Variants in CREM observed in about 807,000 individuals in gnomAD.
CREM encodes the protein cAMP responsive element modulator.
In CREM, 13 loss-of-function variants were observed where a neutral mutation model predicts 37.3. The ratio of observed to expected loss-of-function variants is 0.35; its 90% CI spans 0.23 to 0.55. The LOEUF (loss-of-function observed/expected upper bound fraction) is 0.55. Among genes scored for constraint, CREM ranks in the 20% least tolerant of loss-of-function variants. The pLI is 0.88. For synonymous variants in CREM, 124 were observed against 120.2 expected (o/e 1.03, Z -0.21); for missense variants, 296 against 362.3 (o/e 0.82, Z 1.49).
rs138132743 is a variant in CREM, at chr10:35,175,701, C to T, written c.169-3188C>T. On this transcript the variant is annotated intron_variant, in intron 3 of 7. Transcript: ENST00000685392. ...CTGTTCCAGGACAGTAACCACCTCC[C>T]GATGGTAAGTATCCTAGATAGTTTG... is the stretch of plus-strand genomic sequence containing the variant. The T allele has an allele frequency of 2.4e-4, 382 of 1,613,864 alleles. 1 individual carries two copies. Among genetic ancestry groups the T allele is most frequent in the Admixed American group, 3.5e-4 (21 of 60,002 alleles).
rs1022340870 is a variant in CREM at position 35,189,043 on chromosome 10, T to C, written c.598+655T>C. On this transcript the variant is annotated intron_variant, in intron 6 of 7. Transcript: ENST00000685392. Reference sequence around the variant, plus strand: ...GTTGCAAATGTTGTACCTAATAGATTTCTATTACCTAATCTATGACAATTT... The same window carrying C: ...GTTGCAAATGTTGTACCTAATAGATCTCTATTACCTAATCTATGACAATTT... Among the ~76,000 whole-genome samples, 7 of 152,180 alleles carry C rather than the reference T, an allele frequency of 4.6e-5. No individual in the cohort carries two copies. The East Asian group carries it at 1.2e-3, about 25-fold the overall frequency.
At chr10:35,150,514 G>A (rs1369664067) in intron 3 of CREM, among the ~76,000 whole-genome samples, 1 of 152,102 alleles carries the variant, frequency 6.6e-6, no homozygotes, top group African/African-American at 2.4e-5. Context: ...ACCTCTGTGA[G>A]CCTCACTCAG....
chr10:35,139,577 C>G (rs890827555), intron 2 of CREM, among the ~76,000 whole-genome samples: 1 of 151,984 alleles, frequency 6.6e-6, no homozygotes, highest in Non-Finnish European at 1.5e-5. Context: ...TTTTGTAATT[C>G]ATAATTGCCC....
chr10:35,209,309 C>T (rs1183082233), intron 7 of CREM: 24 of 985,142 alleles, frequency 2.4e-5, no homozygotes, highest in Middle Eastern at 5.2e-4. Context: ...TATTTCTTTC[C>T]AGCCTTGTCA....
Position 35,175,768 on chromosome 10 carries a change from A to G in CREM, c.169-3121A>G. 11 of 1,614,026 alleles carry G rather than the reference A, an allele frequency of 6.8e-6. No individual in the cohort carries two copies. In the South Asian group the frequency reaches 9.9e-5, roughly 15 times the overall value. Reference sequence around the variant, plus strand: ...GGAAAAAGAGAAGTAGGCCAGTCATATTAGTGAGTGGTATTACTTAAAAAT... The same window carrying G: ...GGAAAAAGAGAAGTAGGCCAGTCATGTTAGTGAGTGGTATTACTTAAAAAT... On this transcript the variant is annotated intron_variant, in intron 3 of 7. Transcript: ENST00000685392.
In CREM at chr10:35,187,201, AAT is replaced by A. The variant is rs1234471816; in HGVS notation, c.410-992_410-991del. ...TTAATATATAAATATATTAATATAT[AAT>A]ATATATTATATATTTATATATATAA... On this transcript the variant is annotated intron_variant, in intron 5 of 7. Transcript: ENST00000685392. Among the ~76,000 whole-genome samples, 27 of 78,158 alleles carry A rather than the reference AAT, an allele frequency of 3.5e-4. No individual in the cohort carries two copies. In the East Asian group the frequency reaches 8.0e-3, roughly 23 times the overall value. The allele number at this position is 78,158 out of a possible 152,430, so 51.3% of individuals were successfully genotyped here.
chr10:35,183,252 C>G (rs1293696876), intron 5 of CREM, among the ~76,000 whole-genome samples: 5 of 151,976 alleles, frequency 3.3e-5, no homozygotes, highest in African/African-American at 1.2e-4. Context: ...CTAAACTGCA[C>G]CATTATGAAA....
intron 7 of CREM, among the ~76,000 whole-genome samples, chr10:35,210,200 T>A (rs2095634868): frequency 1.3e-5 from 2 of 152,220 alleles, no homozygotes; most frequent in Non-Finnish European, 2.9e-5. Flanking sequence ...CAGTGCAGGC[T>A]TTTTTGACAT....
intron 2 of CREM, among the ~76,000 whole-genome samples, chr10:35,140,897 C>T (rs10827492): frequency 0.34 from 51,421 of 151,894 alleles, 8,753 homozygotes; most frequent in South Asian, 0.35. Flanking sequence ...TGGCATGCAG[C>T]GTGTTGGAAA....
intron 3 of CREM, among the ~76,000 whole-genome samples, chr10:35,168,882 A>G (rs1291879490): frequency 6.6e-6 from 1 of 152,052 alleles, no homozygotes; most frequent in South Asian, 2.1e-4. Context: ...TGTTTTTGTC[A>G]GGTTTGTCAA....
intron 6 of CREM, among the ~76,000 whole-genome samples, chr10:35,192,356 T>C (rs1288007087): frequency 6.6e-6 from 1 of 152,160 alleles, no homozygotes; most frequent in African/African-American, 2.4e-5. Flanking sequence ...TGTTTCGTTT[T>C]GTTTTGTTTT....
chr10:35,170,971 G>A (rs557346599), intron 3 of CREM, among the ~76,000 whole-genome samples: 2 of 152,092 alleles, frequency 1.3e-5, no homozygotes, highest in East Asian at 3.9e-4. Context: ...ATTTATGCAG[G>A]TTCTCAGCCT....
intron 2 of CREM, among the ~76,000 whole-genome samples, chr10:35,145,395 A>G (rs898074569): frequency 3.3e-5 from 5 of 152,060 alleles, no homozygotes; most frequent in Admixed American, 6.6e-5. Context: ...TCACCCTTCA[A>G]TATACGACTC....
intron 2 of CREM, among the ~76,000 whole-genome samples, chr10:35,138,180 C>T (rs2090877417): frequency 6.6e-6 from 1 of 152,162 alleles, no homozygotes; most frequent in Non-Finnish European, 1.5e-5. Flanking sequence ...TCGAAGAATC[C>T]CCAGGGTTTT....
At chr10:35,147,788 A>C (rs373884022) in intron 2 of CREM, among the ~76,000 whole-genome samples, 1 of 152,230 alleles carries the variant, frequency 6.6e-6, no homozygotes, top group Non-Finnish European at 1.5e-5. Context: ...ATACGTTTTA[A>C]AATAAGGTAG....
At position 35,170,362 on chromosome 10, in the gene CREM, T is replaced by G. The variant is rs188396093; in HGVS notation, c.169-8527T>G. ...TCAGGGATATTGTTCTAAAATTCTC[T>G]TTTTTTGTTCTGTCTCTGCCAGGCT... On this transcript the variant is annotated intron_variant, in intron 3 of 7. Transcript: ENST00000685392. 2.0e-5 allele frequency among the ~76,000 whole-genome samples: 3 copies of G among 152,246 alleles called. No homozygotes were observed. The East Asian group carries it at 5.8e-4, about 29-fold the overall frequency.
chr10:35,188,855 A>G (rs1483811153), intron 6 of CREM, among the ~76,000 whole-genome samples: 1 of 151,960 alleles, frequency 6.6e-6, no homozygotes, highest in Non-Finnish European at 1.5e-5. Flanking sequence ...ACGGGGTTTC[A>G]CCATGTTGGG....
chr10:35,173,670 T>C (rs1746131841), intron 3 of CREM, among the ~76,000 whole-genome samples: 1 of 152,224 alleles, frequency 6.6e-6, no homozygotes, highest in Non-Finnish European at 1.5e-5. Context: ...TGTATAATCT[T>C]TATCCGGCTT....
At chr10:35,154,915 T>A (rs1250582851) in intron 3 of CREM, among the ~76,000 whole-genome samples, 7 of 152,194 alleles carry the variant, frequency 4.6e-5, no homozygotes, top group Admixed American at 2.6e-4. Context: ...GTATCTGTAC[T>A]CATATTTTGA....
Sources: gnomAD v4.1 joint callset for allele counts (sites outside exome capture counted in the v4.1 genomes callset) on GRCh38, gnomAD v4.1.1 for gene constraint, MANE v1.5 for transcripts, NCBI Gene and HGNC (gene_info 2026-07-23, HGNC 2026-07-21) for gene names.